Variants in UNCX observed in about 807,000 individuals in gnomAD.
The protein encoded by UNCX is UNC homeobox, also known as homeobox protein unc-4 homolog.
Under a neutral mutation model 14.8 loss-of-function variants are expected in UNCX, and 4 were observed. The ratio of observed to expected loss-of-function variants is 0.27; its 90% CI spans 0.13 to 0.62. The LOEUF (loss-of-function observed/expected upper bound fraction) is 0.62. Ranked by LOEUF, UNCX falls within the 20% of genes least tolerant of loss-of-function variation. UNCX has a pLI of 0.86. For missense variants in UNCX, 749 were observed against 786.8 expected, an observed-to-expected ratio of 0.95 and a Z score of 0.58; for synonymous variants, 459 against 395.8, an observed-to-expected ratio of 1.16 and a Z score of -1.90.
rs1373727556 is a variant in UNCX, at chr7:1,233,857, G to A, written c.450+162G>A. ...GGAGGGGTGGGGGTTCTGGGGCTCG[G>A]CCCCTCACGGACAGCGGGGTGGGTA... On this transcript the variant is annotated intron_variant, in intron 2 of 2. Coordinates refer to ENST00000316333, the MANE Select transcript of UNCX (RefSeq NM_001080461.3). This position sits in a 1 kb window ranked among gnomAD's most constrained non-coding sequence, Gnocchi z 5.3. Among the ~76,000 whole-genome samples, 1 of 152,268 alleles carries A rather than the reference G, an allele frequency of 6.6e-6. No homozygotes were observed. Among genetic ancestry groups the A allele is most frequent in the Admixed American group, 6.5e-5 (1 of 15,294 alleles).
chr7:1,233,344 C>G lies in UNCX; in HGVS notation c.274+53C>G. 7.5e-7 allele frequency: 1 copy of G among 1,329,504 alleles called. No individual in the cohort carries two copies. Among genetic ancestry groups the G allele is most frequent in the Non-Finnish European group, 9.5e-7 (1 of 1,047,340 alleles). The allele number at this position is 1,329,504 out of a possible 1,614,324, so 82.4% of individuals were successfully genotyped here. On this transcript the variant is annotated intron_variant, in intron 1 of 2. Coordinates refer to ENST00000316333, the MANE Select transcript of UNCX (RefSeq NM_001080461.3). The surrounding 1 kb of genome is among the most constrained non-coding windows in gnomAD (Gnocchi z 5.3). ...AGGAGTGCGGCTGGGGGCGGGGGCC[C>G]TGGTCCGGCCGAGGCGCTGGGGGGC...
In UNCX at chr7:1,233,985, G is replaced by C. The variant is rs539324557; in HGVS notation, c.450+290G>C. Among the ~76,000 whole-genome samples, 1 of 152,362 alleles carries C rather than the reference G, an allele frequency of 6.6e-6. No individual in the cohort carries two copies. The highest frequency in any genetic ancestry group is 2.1e-4 in the South Asian group (1 of 4,830). ...AACCGGGAAGCGGCGTGGTGGGTTG[G>C]CGGAGGCCGGGCCAAGTGAGGTCTC... is the stretch of plus-strand genomic sequence containing the variant. On this transcript the variant is annotated intron_variant, in intron 2 of 2. Transcript: ENST00000316333. This position sits in a 1 kb window ranked among gnomAD's most constrained non-coding sequence, Gnocchi z 5.3.
In UNCX at chr7:1,233,466, G is replaced by A. The variant is rs538932647; in HGVS notation, c.275-54G>A. On this transcript the variant is annotated intron_variant, in intron 1 of 2. Transcript: ENST00000316333. The surrounding 1 kb of genome is among the most constrained non-coding windows in gnomAD (Gnocchi z 5.3). ...AGCGGGTAGCGGGAGGGAGGGGTGG[G>A]GGTCGGGCCTGGGCCGGTGGCTGAG... The A allele has an allele frequency of 2.2e-5, 33 of 1,477,382 alleles. 1 individual carries two copies. In the South Asian group the frequency reaches 3.7e-4, roughly 17 times the overall value. 91.5% of individuals were successfully genotyped at this position (1,477,382 alleles called of 1,614,324 possible). A position where few individuals can be genotyped will look rare whatever the true frequency, so the allele number is the denominator to read the frequency against.
Position 1,233,241 on chromosome 7 carries a change from T to C in UNCX, c.224T>C (p.Leu75Pro), listed in dbSNP as rs1279369860. ...AASVVNPTPLLPAACGVGGDG... is the reference protein window; with the variant it reads ...AASVVNPTPLPPAACGVGGDG... Reference sequence around the variant, plus strand: ...TCGGTGGTCAACCCCACGCCGCTGCTGCCAGCCGCCTGCGGGGTCGGCGGG... The same window carrying C: ...TCGGTGGTCAACCCCACGCCGCTGCCGCCAGCCGCCTGCGGGGTCGGCGGG... Residue 75 changes from leucine (L) to proline (P), a missense_variant, in exon 1 of 3, where the codon CTG becomes CCG. Physicochemically the swap from Leu to Pro is moderately conservative, Grantham distance 98. Coordinates refer to ENST00000316333, the MANE Select transcript of UNCX (RefSeq NM_001080461.3). This position sits in a 1 kb window ranked among gnomAD's most constrained non-coding sequence, Gnocchi z 5.3. 2 of 1,378,036 alleles carry C rather than the reference T, an allele frequency of 1.5e-6. No individual in the cohort carries two copies. Among genetic ancestry groups the C allele is most frequent in the South Asian group, 1.6e-5 (1 of 61,532 alleles). The allele number at this position is 1,378,036 out of a possible 1,614,324, so 85.4% of individuals were successfully genotyped here. A position where few individuals can be genotyped will look rare whatever the true frequency, so the allele number is the denominator to read the frequency against.
Position 1,233,814 on chromosome 7 carries a change from C to G in UNCX, c.450+119C>G. On this transcript the variant is annotated intron_variant, in intron 2 of 2. Coordinates refer to ENST00000316333, the MANE Select transcript of UNCX (RefSeq NM_001080461.3). This position sits in a 1 kb window ranked among gnomAD's most constrained non-coding sequence, Gnocchi z 5.3. ...CCTTGCCGCGGGCCCGCTTCGCGCT[C>G]GCCTGCTGGGGAAGAGTGGAGGGGT... 1 of 1,286,038 alleles carries G rather than the reference C, an allele frequency of 7.8e-7. No individual in the cohort carries two copies. The highest frequency in any genetic ancestry group is 1.0e-6 in the Non-Finnish European group (1 of 961,564). The allele number at this position is 1,286,038 out of a possible 1,614,324, so 79.7% of individuals were successfully genotyped here.
chr7:1,236,296 G>A lies in UNCX; in HGVS notation c.915G>A (p.Lys305=), dbSNP rs1371312668. ...PQPRPGRPAD[K]DAASCGPGAA... Reference sequence around the variant, plus strand: ...CGCGCCCAGGTCGCCCTGCGGACAAGGACGCGGCCTCGTGCGGGCCAGGGG... The same window carrying A: ...CGCGCCCAGGTCGCCCTGCGGACAAAGACGCGGCCTCGTGCGGGCCAGGGG... Residue 305 remains lysine (K), a synonymous_variant, in exon 3 of 3, where the codon AAG becomes AAA. Coordinates refer to ENST00000316333, the MANE Select transcript of UNCX (RefSeq NM_001080461.3). The surrounding 1 kb of genome is among the most constrained non-coding windows in gnomAD (Gnocchi z 6.9). The A allele has an allele frequency of 5.1e-6, 7 of 1,366,380 alleles. No individual in the cohort carries two copies. The highest frequency in any genetic ancestry group is 4.7e-6 in the Non-Finnish European group (5 of 1,054,590). 84.6% of individuals were successfully genotyped at this position (1,366,380 alleles called of 1,614,324 possible). A position where few individuals can be genotyped will look rare whatever the true frequency, so the allele number is the denominator to read the frequency against.
Position 1,236,890 on chromosome 7 carries a change from C to G in UNCX, c.1509C>G (p.Ala503=), listed in dbSNP as rs1160547514. ...CCGGCCCTCGGCCTCCCAGCCCCGC[C>G]GAGGAGCCGGCCACCTGCGGGGTTC... The part of the protein sequence containing the change: ...PRPGPRPPSP[A]EEPATCGVPE... The change falls in exon 3 of 3, where the codon GCC becomes GCG. Residue 503 remains alanine (A), a synonymous_variant. Coordinates refer to ENST00000316333, the MANE Select transcript of UNCX (RefSeq NM_001080461.3). The surrounding 1 kb of genome is among the most constrained non-coding windows in gnomAD (Gnocchi z 6.9). The G allele has an allele frequency of 1.2e-5, 14 of 1,128,072 alleles. No homozygotes were observed. The highest frequency in any genetic ancestry group is 1.7e-5 in the African/African-American group (1 of 60,574). The allele number at this position is 1,128,072 out of a possible 1,614,324, so 69.9% of individuals were successfully genotyped here.
At position 1,237,237 on chromosome 7, in the gene UNCX, A is replaced by C; in HGVS notation, c.*260A>C. ...ACCCATGGCCCCCAAAAAACCCCAC[A>C]ACGAGAATCCTCAGCCTTGTAAAAT... On this transcript the variant is annotated 3_prime_UTR_variant, in exon 3 of 3. Coordinates refer to ENST00000316333, the MANE Select transcript of UNCX (RefSeq NM_001080461.3). The surrounding 1 kb of genome is among the most constrained non-coding windows in gnomAD (Gnocchi z 5.8). 1 of 181,956 alleles carries C rather than the reference A, an allele frequency of 5.5e-6. No individual in the cohort carries two copies. Among genetic ancestry groups the C allele is most frequent in the Non-Finnish European group, 1.1e-5 (1 of 88,592 alleles). 11.3% of individuals were successfully genotyped at this position (181,956 alleles called of 1,614,324 possible).
Position 1,236,243 on chromosome 7 carries a change from A to T in UNCX, c.862A>T (p.Ser288Cys). The change falls in exon 3 of 3, where the codon AGC (serine) becomes TGC (cysteine). Residue 288 changes from serine (S) to cysteine (C), a missense_variant. By Grantham distance (112) the Ser-to-Cys change is moderately radical. Transcript: ENST00000316333. The surrounding 1 kb of genome is among the most constrained non-coding windows in gnomAD (Gnocchi z 6.9). The part of the protein sequence containing the change: ...PGTCDPAFYP[S>C]QRSGAGPQPR... ...CACCTGCGACCCCGCCTTCTACCCG[A>T]GCCAAAGAAGCGGCGCCGGCCCACA... 1 of 1,370,896 alleles carries T rather than the reference A, an allele frequency of 7.3e-7. No individual in the cohort carries two copies. Among genetic ancestry groups the T allele is most frequent in the Non-Finnish European group, 9.5e-7 (1 of 1,053,934 alleles). 84.9% of individuals were successfully genotyped at this position (1,370,896 alleles called of 1,614,324 possible). A position where few individuals can be genotyped will look rare whatever the true frequency, so the allele number is the denominator to read the frequency against.
rs973350398 is a variant in UNCX at position 1,236,857 on chromosome 7, G to T, written c.1476G>T (p.Ser492=). Reference sequence around the variant, plus strand: ...CCGCGCCCCCGCCGCCCGCGCCGTCGCCCAGGCCCGGCCCTCGGCCTCCCA... The same window carrying T: ...CCGCGCCCCCGCCGCCCGCGCCGTCTCCCAGGCCCGGCCCTCGGCCTCCCA... ...AGPAPPPPAP[S]PRPGPRPPSP... is the part of the protein sequence containing the mutation. The change falls in exon 3 of 3, where the codon TCG becomes TCT. Residue 492 remains serine, a synonymous_variant. Coordinates refer to ENST00000316333, the MANE Select transcript of UNCX (RefSeq NM_001080461.3). This position sits in a 1 kb window ranked among gnomAD's most constrained non-coding sequence, Gnocchi z 6.9. 3.1e-5 allele frequency: 32 copies of T among 1,020,550 alleles called. No homozygotes were observed. The African/African-American group carries it at 5.2e-4, about 17-fold the overall frequency. The allele number at this position is 1,020,550 out of a possible 1,614,324, so 63.2% of individuals were successfully genotyped here.
rs1325512834 is a variant in UNCX at position 1,236,597 on chromosome 7, C to T, written c.1216C>T (p.Pro406Ser). ...GGGCGGCGCGGGCCTGGAGCCGGCGCCCAAGGACGCGCCGCCCGCGCCCGC... is the reference window on the plus strand; with the variant it reads ...GGGCGGCGCGGGCCTGGAGCCGGCGTCCAAGGACGCGCCGCCCGCGCCCGC... ...LKGGAGLEPA[P>S]KDAPPAPAVP... is the part of the protein sequence containing the mutation. The change falls in exon 3 of 3, where the codon CCC becomes TCC. Residue 406 changes from proline to serine, a missense_variant. By Grantham distance (74) the Pro-to-Ser change is moderately conservative. Transcript: ENST00000316333. This position sits in a 1 kb window ranked among gnomAD's most constrained non-coding sequence, Gnocchi z 6.9. The T allele has an allele frequency of 1.7e-6, 2 of 1,158,152 alleles. No individual in the cohort carries two copies. Among genetic ancestry groups the T allele is most frequent in the African/African-American group, 1.7e-5 (1 of 60,032 alleles). The allele number at this position is 1,158,152 out of a possible 1,614,324, so 71.7% of individuals were successfully genotyped here.
chr7:1,232,964 C>A lies in UNCX; in HGVS notation c.-54C>A. The A allele has an allele frequency of 1.1e-6, 1 of 929,896 alleles. No homozygotes were observed. Among genetic ancestry groups the A allele is most frequent in the Non-Finnish European group, 1.3e-6 (1 of 776,546 alleles). The allele number at this position is 929,896 out of a possible 1,614,324, so 57.6% of individuals were successfully genotyped here. On this transcript the variant is annotated 5_prime_UTR_variant, in exon 1 of 3. Coordinates refer to ENST00000316333, the MANE Select transcript of UNCX (RefSeq NM_001080461.3). ...GCCTCCCGCCGCTGGCCCGCCCCGG[C>A]CCCGGCCCGCGCCCCCGCGCCCCGC...
Position 1,233,331 on chromosome 7 carries a change from G to T in UNCX, c.274+40G>T, listed in dbSNP as rs1778680120. ...CGGGAGGGCGGGGAGGAGTGCGGCT[G>T]GGGGCGGGGGCCCTGGTCCGGCCGA... On this transcript the variant is annotated intron_variant, in intron 1 of 2. Coordinates refer to ENST00000316333, the MANE Select transcript of UNCX (RefSeq NM_001080461.3). This position sits in a 1 kb window ranked among gnomAD's most constrained non-coding sequence, Gnocchi z 5.3. The T allele has an allele frequency of 3.0e-6, 4 of 1,320,580 alleles. No individual in the cohort carries two copies. Among genetic ancestry groups the T allele is most frequent in the South Asian group, 2.1e-5 (1 of 47,520 alleles). 81.8% of individuals were successfully genotyped at this position (1,320,580 alleles called of 1,614,324 possible).
rs1015629852 is a variant in UNCX, at chr7:1,236,126, C to A, written c.745C>A (p.Pro249Thr). 19 of 1,272,604 alleles carry A rather than the reference C, an allele frequency of 1.5e-5. No individual in the cohort carries two copies. The highest frequency in any genetic ancestry group is 1.8e-5 in the Non-Finnish European group (18 of 1,011,186). The allele number at this position is 1,272,604 out of a possible 1,614,324, so 78.8% of individuals were successfully genotyped here. The change falls in exon 3 of 3, where the codon CCG becomes ACG. Residue 249 changes from proline to threonine, a missense_variant. Physicochemically the swap from Pro to Thr is conservative, Grantham distance 38. Around this residue, in one of 3 missense-constraint regions of UNCX, gnomAD observed 552 missense variants for 507.2 expected, o/e 1.09. Transcript: ENST00000316333. This position sits in a 1 kb window ranked among gnomAD's most constrained non-coding sequence, Gnocchi z 6.9. ...CGGCCTGTCTCCGGAGCCGCCCGAG[C>A]CGCCGCCGCCCGCCGCCAAGGGCCC... ...GGGLSPEPPE[P>T]PPPAAKGPGA...
At chr7:1,235,713 C>T (rs1444357734) in intron 2 of UNCX, 119 bp from the exon 3 acceptor site, 1 of 939,866 alleles carries the variant, frequency 1.1e-6, no homozygotes, top group African/African-American at 1.7e-5. Context: ...CGGCTTCACT[C>T]CTGCCCCGGC....
At position 1,236,791 on chromosome 7, in the gene UNCX, G is replaced by T; in HGVS notation, c.1410G>T (p.Glu470Asp). Residue 470 changes from glutamate (E) to aspartate (D), a missense_variant, in exon 3 of 3, where the codon GAG becomes GAT. Glu to Asp is a conservative substitution (Grantham distance 45). Coordinates refer to ENST00000316333, the MANE Select transcript of UNCX (RefSeq NM_001080461.3). The surrounding 1 kb of genome is among the most constrained non-coding windows in gnomAD (Gnocchi z 6.9). Reference protein sequence around the residue: ...FRDLASAAATEGGGGDCADAG... With the variant: ...FRDLASAAATDGGGGDCADAG... Reference sequence around the variant, plus strand: ...ACCTCGCCTCGGCAGCGGCTACCGAGGGCGGCGGCGGGGACTGCGCGGACG... The same window carrying T: ...ACCTCGCCTCGGCAGCGGCTACCGATGGCGGCGGCGGGGACTGCGCGGACG... 1.0e-6 allele frequency: 1 copy of T among 986,896 alleles called. No homozygotes were observed. The highest frequency in any genetic ancestry group is 1.1e-4 in the East Asian group (1 of 8,852). The allele number at this position is 986,896 out of a possible 1,614,324, so 61.1% of individuals were successfully genotyped here.
chr7:1,233,677 G>A lies in UNCX; in HGVS notation c.432G>A (p.Leu144=). 2 of 1,604,420 alleles carry A rather than the reference G, an allele frequency of 1.2e-6. No homozygotes were observed. The highest frequency in any genetic ancestry group is 1.7e-6 in the Non-Finnish European group (2 of 1,175,318). The change falls in exon 2 of 3, where the codon CTG becomes CTA. Residue 144 remains leucine, a synonymous_variant. Coordinates refer to ENST00000316333, the MANE Select transcript of UNCX (RefSeq NM_001080461.3). The surrounding 1 kb of genome is among the most constrained non-coding windows in gnomAD (Gnocchi z 5.3). ...MREALALRLD[L]VESRVQVWFQ... ...AGGCGCTGGCGCTGCGCCTAGACCT[G>A]GTCGAGTCCCGAGTTCAGGTAAAGA...
chr7:1,236,641 T>C lies in UNCX; in HGVS notation c.1260T>C (p.Pro420=). 2 of 1,041,330 alleles carry C rather than the reference T, an allele frequency of 1.9e-6. No homozygotes were observed. The highest frequency in any genetic ancestry group is 2.3e-6 in the Non-Finnish European group (2 of 871,794). 64.5% of individuals were successfully genotyped at this position (1,041,330 alleles called of 1,614,324 possible). A position where few individuals can be genotyped will look rare whatever the true frequency, so the allele number is the denominator to read the frequency against. ...CGCCCGCCGTGCCGCCCGCGCCGCC[T>C]GCCCAGGCCAGTTTCGGGGCCTTCT... ...PPAPAVPPAP[P]AQASFGAFSG... Residue 420 remains proline (P), a synonymous_variant, in exon 3 of 3, where the codon CCT becomes CCC. Coordinates refer to ENST00000316333, the MANE Select transcript of UNCX (RefSeq NM_001080461.3). This position sits in a 1 kb window ranked among gnomAD's most constrained non-coding sequence, Gnocchi z 6.9.
At position 1,233,456 on chromosome 7, in the gene UNCX, G is replaced by T; in HGVS notation, c.275-64G>T. 1 of 1,430,670 alleles carries T rather than the reference G, an allele frequency of 7.0e-7. No individual in the cohort carries two copies. The allele number at this position is 1,430,670 out of a possible 1,614,324, so 88.6% of individuals were successfully genotyped here. On this transcript the variant is annotated intron_variant, in intron 1 of 2. Transcript: ENST00000316333. The surrounding 1 kb of genome is among the most constrained non-coding windows in gnomAD (Gnocchi z 5.3). ...CCAGGCGGCCAGCGGGTAGCGGGAG[G>T]GAGGGGTGGGGGTCGGGCCTGGGCC...
Sources: allele counts gnomAD v4.1 joint callset (sites outside exome capture counted in the v4.1 genomes callset), GRCh38; gene constraint gnomAD v4.1.1; regional missense constraint gnomAD v4.1.1; non-coding constraint Gnocchi (gnomAD v3.1); transcripts MANE v1.5; gene names NCBI Gene and HGNC (gene_info 2026-07-23, HGNC 2026-07-21).